The following MICOS10 variants were observed in gnomAD, a reference collection of about 807,000 sequenced individuals.
The protein encoded by MICOS10 is MICOS complex subunit MIC10.
A neutral mutation model predicts 13.4 loss-of-function variants in MICOS10; 5 were observed. That is an observed-to-expected ratio of 0.37 (90% CI 0.20 to 0.78). The LOEUF (loss-of-function observed/expected upper bound fraction) is 0.78. MICOS10 is among the 30% of genes least tolerant of loss of function. MICOS10 has a pLI of 0.47. For synonymous variants in MICOS10, 35 were observed against 33.6 expected, an observed-to-expected ratio of 1.04 and a Z score of -0.15; for missense variants, 101 against 94.6, an observed-to-expected ratio of 1.07 and a Z score of -0.28.
intron 1 of MICOS10, chr1:19,608,414 G>T (rs1315135867): frequency 8.7e-6 from 11 of 1,262,614 alleles, no homozygotes; most frequent in Non-Finnish European, 1.3e-5. Flanking sequence ...CCGGGCCACA[G>T]GAGGAAATAG....
intron 1 of MICOS10, among the ~76,000 whole-genome samples, chr1:19,609,856 A>G (rs1250483383): frequency 1.3e-5 from 2 of 152,230 alleles, no homozygotes; most frequent in Non-Finnish European, 2.9e-5. Flanking sequence ...TAAAGAAAGC[A>G]TAGCCTGGCT....
At chr1:19,622,045 A>G (rs2094905523) in intron 1 of MICOS10, 55 bp from the exon 2 acceptor site, 2 of 1,315,930 alleles carry the variant, frequency 1.5e-6, no homozygotes, top group South Asian at 2.5e-5. Flanking sequence ...TGTTAATGTT[A>G]TCTTTGTGAA....
intron 1 of MICOS10, among the ~76,000 whole-genome samples, chr1:19,601,552 AGAC>A (rs1468335212): frequency 2.0e-5 from 3 of 150,994 alleles, no homozygotes; most frequent in Non-Finnish European, 4.4e-5. Flanking sequence ...ACTCCAGCCC[AGAC>A]GACAGAGCAA....
chr1:19,614,863 C>G (rs1034200649), intron 1 of MICOS10, among the ~76,000 whole-genome samples: 2 of 152,176 alleles, frequency 1.3e-5, no homozygotes, highest in Non-Finnish European at 2.9e-5. Flanking sequence ...TGCTGTCCTC[C>G]TGGATGTGCC....
intron 1 of MICOS10, chr1:19,601,084 T>G (rs1570463901): frequency 8.8e-7 from 1 of 1,133,400 alleles, no homozygotes; most frequent in Middle Eastern, 2.3e-4. Context: ...TCACTCGTGT[T>G]TAGCATAGGT....
intron 1 of MICOS10, among the ~76,000 whole-genome samples, chr1:19,599,317 A>G (rs139865616): frequency 1.5e-3 from 233 of 152,226 alleles, no homozygotes; most frequent in African/African-American, 5.3e-3. Flanking sequence ...TCAGCCTCCC[A>G]AAGTGCTGGC....
intron 1 of MICOS10, among the ~76,000 whole-genome samples, chr1:19,607,173 G>A (rs2094838367): frequency 6.6e-6 from 1 of 152,188 alleles, no homozygotes. Context: ...GCCACATTTT[G>A]TTTGTTTTAT....
At chr1:19,625,634 T>G in intron 3 of MICOS10, 1 of 1,287,070 alleles carries the variant, frequency 7.8e-7, no homozygotes, top group Non-Finnish European at 1.0e-6. Context: ...AAGCTTCAGG[T>G]CTTTTGCTTA....
intron 1 of MICOS10, among the ~76,000 whole-genome samples, chr1:19,618,762 T>G (rs897013360): frequency 3.9e-5 from 6 of 152,194 alleles, no homozygotes; most frequent in African/African-American, 1.4e-4. Flanking sequence ...TTCAGACATG[T>G]AAGAATGAAG....
At chr1:19,604,899 G>A in intron 1 of MICOS10, among the ~76,000 whole-genome samples, 1 of 152,162 alleles carries the variant, frequency 6.6e-6, no homozygotes, top group East Asian at 1.9e-4. Context: ...CTCCTTGAAG[G>A]TGTCCCAAAG....
At chr1:19,604,423 C>T (rs2094827196) in intron 1 of MICOS10, among the ~76,000 whole-genome samples, 2 of 152,242 alleles carry the variant, frequency 1.3e-5, no homozygotes, top group East Asian at 1.9e-4. Context: ...GCATGAGAAT[C>T]GCTGGAACCC....
intron 3 of MICOS10, among the ~76,000 whole-genome samples, chr1:19,625,805 A>C (rs1437040635): frequency 6.6e-6 from 1 of 152,038 alleles, no homozygotes; most frequent in Non-Finnish European, 1.5e-5. Context: ...CTTTATCTGG[A>C]CTTGAGTCTG....
intron 1 of MICOS10, among the ~76,000 whole-genome samples, chr1:19,611,835 G>A (rs191003991): frequency 5.3e-5 from 8 of 151,510 alleles, no homozygotes; most frequent in South Asian, 2.1e-4. Context: ...AGCTGGGCGT[G>A]GTGGCATGCG....
intron 1 of MICOS10, among the ~76,000 whole-genome samples, chr1:19,602,268 T>C (rs553912221): frequency 6.6e-6 from 1 of 152,288 alleles, no homozygotes; most frequent in South Asian, 2.1e-4. Context: ...CATATTTGCT[T>C]CTCAGAGTGT....
intron 3 of MICOS10, chr1:19,625,430 G>A: frequency 7.8e-7 from 1 of 1,289,414 alleles, no homozygotes; most frequent in Non-Finnish European, 1.0e-6. Flanking sequence ...GCCAGCCCAT[G>A]TCTGCTGGAG....
intron 1 of MICOS10, among the ~76,000 whole-genome samples, chr1:19,611,425 G>T (rs1302888272): frequency 6.8e-6 from 1 of 147,160 alleles, no homozygotes; most frequent in Non-Finnish European, 1.5e-5. Flanking sequence ...TCCCAGAAAA[G>T]ATTATGAAGA....
Position 19,628,269 on chromosome 1 carries a change from T to C in MICOS10, c.*1868T>C, listed in dbSNP as rs898770406. 1 of 152,026 alleles carries C rather than the reference T, an allele frequency of 6.6e-6. No individual in the cohort carries two copies. The highest frequency in any genetic ancestry group is 2.4e-5 in the African/African-American group (1 of 41,440). 9.4% of individuals were successfully genotyped at this position (152,026 alleles called of 1,614,324 possible). ...AATTTTGTATTTTTAGTAGAGACGGTGTTTCTCCTTGGTCATGCTGGTCTC... is the reference window on the plus strand; with the variant it reads ...AATTTTGTATTTTTAGTAGAGACGGCGTTTCTCCTTGGTCATGCTGGTCTC... On this transcript the variant is annotated 3_prime_UTR_variant, in exon 4 of 4. Coordinates refer to ENST00000322753, the MANE Select transcript of MICOS10 (RefSeq NM_001032363.4).
intron 1 of MICOS10, among the ~76,000 whole-genome samples, chr1:19,599,974 A>C (rs1302024528): frequency 2.0e-5 from 3 of 152,168 alleles, no homozygotes; most frequent in African/African-American, 4.8e-5. Flanking sequence ...GGTTTCAAGC[A>C]ACAAATATTT....
intron 1 of MICOS10, among the ~76,000 whole-genome samples, chr1:19,607,902 T>C (rs1206345084): frequency 6.6e-6 from 1 of 152,166 alleles, no homozygotes; most frequent in African/African-American, 2.4e-5. Flanking sequence ...AGTCCAGAAA[T>C]AGACCCATAC....
Sources: allele counts gnomAD v4.1 joint callset (sites outside exome capture counted in the v4.1 genomes callset), GRCh38; gene constraint gnomAD v4.1.1; transcripts MANE v1.5; gene names NCBI Gene and HGNC (gene_info 2026-07-23, HGNC 2026-07-21).